ANKMY2: variants seen among roughly 807,000 people sequenced by gnomAD.
ANKMY2 encodes the protein ankyrin repeat and MYND domain-containing protein 2.
In ANKMY2, 36 loss-of-function variants were observed where a neutral mutation model predicts 50.4. The ratio of observed to expected loss-of-function variants is 0.71; its 90% CI spans 0.55 to 0.94. The LOEUF is 0.94. Ranked by LOEUF, ANKMY2 falls within the 40% of genes least tolerant of loss-of-function variation. ANKMY2 has a pLI of 0.00. For missense variants in ANKMY2, 565 were observed against 524.0 expected, an observed-to-expected ratio of 1.08 and a Z score of -0.76; for synonymous variants, 187 against 178.8, an observed-to-expected ratio of 1.05 and a Z score of -0.36.
At chr7:16,623,038 A>C (rs1781462632) in intron 4 of ANKMY2, among the ~76,000 whole-genome samples, 1 of 152,162 alleles carries the variant, frequency 6.6e-6, no homozygotes, top group Non-Finnish European at 1.5e-5. Context: ...AATGAATTAC[A>C]CCTACTGAGA....
intron 5 of ANKMY2, among the ~76,000 whole-genome samples, chr7:16,612,567 T>C (rs1299270760): frequency 3.9e-5 from 6 of 152,236 alleles, no homozygotes; most frequent in Admixed American, 6.5e-5. Flanking sequence ...TTTTTATATA[T>C]GGCATTTATA....
At chr7:16,622,762 A>G (rs1026241550) in intron 4 of ANKMY2, among the ~76,000 whole-genome samples, 2 of 137,650 alleles carry the variant, frequency 1.5e-5, no homozygotes, top group African/African-American at 5.6e-5. Context: ...ATAAATAAAT[A>G]AATAAATAAA....
Position 16,616,037 on chromosome 7 carries a change from A to G in ANKMY2, c.371-133T>C, listed in dbSNP as rs557643858. 4.0e-4 allele frequency: 322 copies of G among 804,946 alleles called. 6 individuals carry two copies. The Admixed American group carries it at 9.5e-3, about 24-fold the overall frequency. The allele number at this position is 804,946 out of a possible 1,614,324, so 49.9% of individuals were successfully genotyped here. On this transcript the variant is annotated intron_variant, in intron 4 of 9. Transcript: ENST00000306999. The stretch of plus-strand genomic sequence containing the variant: ...TCTTTATTTTTCAGGAAAGGAGAGT[A>G]GAGGAGGAGGAGGAGAGATAAAATA...
At chr7:16,605,653 A>C (rs1355279229) in intron 7 of ANKMY2, among the ~76,000 whole-genome samples, 2 of 140,922 alleles carry the variant, frequency 1.4e-5, no homozygotes, top group African/African-American at 5.4e-5. Context: ...GCCCGCCACT[A>C]CGCCCAGCTA....
At chr7:16,601,911 G>T (rs1427439051) in intron 9 of ANKMY2, among the ~76,000 whole-genome samples, 2 of 152,108 alleles carry the variant, frequency 1.3e-5, no homozygotes, top group Non-Finnish European at 2.9e-5. Context: ...CTGTATATTA[G>T]ATCTGCAATT....
In ANKMY2 at chr7:16,645,604, T is replaced by C. The variant is rs752336846; in HGVS notation, c.-31A>G. The C allele has an allele frequency of 6.3e-7, 1 of 1,595,984 alleles. No homozygotes were observed. The highest frequency in any genetic ancestry group is 1.7e-4 in the Middle Eastern group (1 of 5,972). On this transcript the variant is annotated 5_prime_UTR_variant, in exon 1 of 10. Coordinates refer to ENST00000306999, the MANE Select transcript of ANKMY2 (RefSeq NM_020319.3). ...CCGCCAGCTTGAAGGTTATTCCCTT[T>C]CTTAGGGAGTATTAAAAAAGAAACG...
chr7:16,601,950 A>G (rs1395990966), intron 9 of ANKMY2, among the ~76,000 whole-genome samples: 2 of 152,232 alleles, frequency 1.3e-5, no homozygotes, highest in African/African-American at 2.4e-5. Context: ...TATACTCTGT[A>G]ATTTCACCTG....
In ANKMY2 at chr7:16,609,713, T is replaced by A; in HGVS notation, c.799A>T (p.Ile267Phe). 5 of 1,612,194 alleles carry A rather than the reference T, an allele frequency of 3.1e-6. No homozygotes were observed. Among genetic ancestry groups the A allele is most frequent in the Non-Finnish European group, 4.2e-6 (5 of 1,179,528 alleles). ...DGFPVYQEKI[I>F]RESIRKFPYC... Reference sequence around the variant, plus strand: ...GGAAATTTTCTGATACTTTCTCTAATGATCTTTTCTTGATACACTGGAAAG... The same window carrying A: ...GGAAATTTTCTGATACTTTCTCTAAAGATCTTTTCTTGATACACTGGAAAG... Residue 267 changes from isoleucine to phenylalanine, a missense_variant, in exon 7 of 10, where the codon ATT becomes TTT. By Grantham distance (21) the Ile-to-Phe change is conservative. Coordinates refer to ENST00000306999, the MANE Select transcript of ANKMY2 (RefSeq NM_020319.3).
rs75135048 is a variant in ANKMY2 at position 16,634,548 on chromosome 7, G to A, written c.132+1843C>T. On this transcript the variant is annotated intron_variant, in intron 2 of 9. Coordinates refer to ENST00000306999, the MANE Select transcript of ANKMY2 (RefSeq NM_020319.3). ...AGAAAGGGAATTCTAAAGATCTGCA[G>A]AGGGTTTCTTCAGAGTGTTTGGCTG... 2.4e-3 allele frequency among the ~76,000 whole-genome samples: 367 copies of A among 152,304 alleles called. 7 individuals carry two copies. The East Asian group carries it at 0.051, about 21-fold the overall frequency.
chr7:16,612,300 G>T (rs1160453617), intron 5 of ANKMY2, among the ~76,000 whole-genome samples: 1 of 152,106 alleles, frequency 6.6e-6, no homozygotes, highest in Admixed American at 6.6e-5. Context: ...ATTTAACACA[G>T]ATTAAATGTC....
chr7:16,603,794 C>T, intron 8 of ANKMY2: 1 of 446,964 alleles, frequency 2.2e-6, no homozygotes. Flanking sequence ...TGTACCTTTG[C>T]TATTGCCATG....
chr7:16,615,610 G>A (rs1308945953), intron 5 of ANKMY2, 134 bp downstream of exon 5: 6 of 1,072,242 alleles, frequency 5.6e-6, no homozygotes, highest in African/African-American at 3.2e-5. Context: ...TAAATTAACA[G>A]GCCAAAAGAG....
chr7:16,626,406 TA>T (rs1781507990), intron 3 of ANKMY2, among the ~76,000 whole-genome samples: 1 of 152,216 alleles, frequency 6.6e-6, no homozygotes. Context: ...TTTTTATCAA[TA>T]TTGTCCTTTT....
intron 7 of ANKMY2, among the ~76,000 whole-genome samples, chr7:16,607,624 A>G (rs151284760): frequency 3.7e-4 from 56 of 150,500 alleles, no homozygotes; most frequent in Middle Eastern, 3.4e-3. Flanking sequence ...ACATTATTCT[A>G]TTATATGGAG....
intron 1 of ANKMY2, among the ~76,000 whole-genome samples, chr7:16,642,477 A>C (rs1446419170): frequency 6.6e-6 from 1 of 152,204 alleles, no homozygotes; most frequent in African/African-American, 2.4e-5. Context: ...AGCCCCACTT[A>C]GAGTCTGTCT....
At chr7:16,640,270 T>C (rs1035676214) in intron 1 of ANKMY2, among the ~76,000 whole-genome samples, 5 of 152,212 alleles carry the variant, frequency 3.3e-5, no homozygotes, top group Admixed American at 3.3e-4. Flanking sequence ...CCCACAGTTA[T>C]CTGAGGAGTG....
In ANKMY2 at chr7:16,627,138, T is replaced by A; in HGVS notation, c.173A>T (p.Lys58Ile). ...TPLMHAAYKG[K>I]LDMCKLLLRH... is the part of the protein sequence containing the mutation. Reference sequence around the variant, plus strand: ...CAGTAGTAATTTGCACATATCGAGTTTTCCTTTATATGCTGCATGCATTAG... The same window carrying A: ...CAGTAGTAATTTGCACATATCGAGTATTCCTTTATATGCTGCATGCATTAG... Residue 58 changes from lysine to isoleucine, a missense_variant, in exon 3 of 10, where the codon AAA (lysine) becomes ATA (isoleucine). Physicochemically the swap from Lys to Ile is moderately radical, Grantham distance 102 (BLOSUM62 -3). Coordinates refer to ENST00000306999, the MANE Select transcript of ANKMY2 (RefSeq NM_020319.3). The A allele has an allele frequency of 6.2e-7, 1 of 1,608,600 alleles. No homozygotes were observed. Among genetic ancestry groups the A allele is most frequent in the Non-Finnish European group, 8.5e-7 (1 of 1,176,350 alleles).
chr7:16,617,917 G>GTTTTT (rs780533044), intron 4 of ANKMY2, among the ~76,000 whole-genome samples: 11 of 110,902 alleles, frequency 9.9e-5, no homozygotes, highest in East Asian at 2.8e-4. Context: ...CAGTGAGCGT[G>GTTTTT]TTTTTTTTTT....
chr7:16,642,855 G>A (rs1000617451), intron 1 of ANKMY2, among the ~76,000 whole-genome samples: 3 of 152,158 alleles, frequency 2.0e-5, no homozygotes, highest in African/African-American at 7.2e-5. Context: ...ACCTCTCAAA[G>A]TGAATATTGT....
Sources: allele counts gnomAD v4.1 joint callset (sites outside exome capture counted in the v4.1 genomes callset), GRCh38; gene constraint gnomAD v4.1.1; transcripts MANE v1.5; gene names NCBI Gene and HGNC (gene_info 2026-07-23, HGNC 2026-07-21).